The following HDAC9 variants were observed in gnomAD, a reference collection of about 807,000 sequenced individuals.
The protein encoded by HDAC9 is MEF-2 interacting transcription repressor (MITR) protein.
A neutral mutation model predicts 139.4 loss-of-function variants in HDAC9; 41 were observed. The ratio of observed to expected loss-of-function variants is 0.29; its 90% confidence interval spans 0.23 to 0.38. The LOEUF (loss-of-function observed/expected upper bound fraction) is 0.38, where lower values mean the gene tolerates loss of function less well. Ranked by LOEUF, HDAC9 falls within the 10% of genes least tolerant of loss-of-function variation. The pLI, the probability that HDAC9 is intolerant of heterozygous loss-of-function variation, is 1.00. For synonymous variants in HDAC9, 517 were observed against 476.2 expected (o/e 1.09, Z -1.12); for missense variants, 1,147 against 1,297.0 (o/e 0.88, Z 1.78).
chr7:18,739,336 G>A lies in HDAC9; in HGVS notation c.1910-9669G>A, dbSNP rs185987742. ...GGGGCTGAAATGCTTTGCAGGAGAA[G>A]AGGCACTCAGGCTTTTAGAATTTTC... On this transcript the variant is annotated intron_variant, in intron 13 of 25. Transcript: ENST00000686413. 1.0e-3 allele frequency among the ~76,000 whole-genome samples: 158 copies of A among 152,266 alleles called. 2 individuals carry two copies. Among genetic ancestry groups the A allele is most frequent in the South Asian group, 1.5e-3 (7 of 4,826 alleles).
intron 1 of HDAC9, among the ~76,000 whole-genome samples, chr7:18,473,575 C>A (rs1004619834): frequency 4.6e-5 from 7 of 152,184 alleles, no homozygotes; most frequent in African/African-American, 1.7e-4. Flanking sequence ...TTAAGACAAC[C>A]TATGACAATA....
intron 19 of HDAC9, among the ~76,000 whole-genome samples, chr7:18,832,967 C>T (rs1354422201): frequency 6.6e-6 from 1 of 152,038 alleles, no homozygotes; most frequent in Admixed American, 6.5e-5. Context: ...AATTCCCAAC[C>T]TCAGGTGATC....
In HDAC9 at chr7:18,977,616, A is replaced by T. The variant is rs1158769850; in HGVS notation, c.3170+1663A>T. 3.3e-5 allele frequency among the ~76,000 whole-genome samples: 5 copies of T among 152,280 alleles called. No homozygotes were observed. The East Asian group carries it at 9.7e-4, about 29-fold the overall frequency. ...TCTATAGAGATTTAACCTTGGCTTC[A>T]GTCCACAGTGATTTTTATTTTAAGC... On this transcript the variant is annotated intron_variant, in intron 25 of 25. Coordinates refer to ENST00000686413, the MANE Select transcript of HDAC9 (RefSeq NM_178425.4).
At chr7:18,219,330 G>A (rs755797738) in intron 2 of HDAC9, among the ~76,000 whole-genome samples, 5 of 152,084 alleles carry the variant, frequency 3.3e-5, no homozygotes, top group Non-Finnish European at 4.4e-5. Flanking sequence ...TATACAATGG[G>A]AGTGGTTCTG....
intron 2 of HDAC9, among the ~76,000 whole-genome samples, chr7:18,514,084 A>G (rs1802424546): frequency 6.6e-6 from 1 of 152,306 alleles, no homozygotes; most frequent in Middle Eastern, 3.4e-3. Context: ...GTTATGACTT[A>G]TCTAGCTTAG....
chr7:18,091,245 A>G (rs1040636564), intron 1 of HDAC9, among the ~76,000 whole-genome samples: 3 of 152,198 alleles, frequency 2.0e-5, no homozygotes, highest in East Asian at 1.9e-4. Flanking sequence ...CCTGTTTACT[A>G]TGGTGAATTT....
At chr7:18,693,759 T>G (rs1410134579) in intron 12 of HDAC9, among the ~76,000 whole-genome samples, 1 of 152,176 alleles carries the variant, frequency 6.6e-6, no homozygotes, top group Non-Finnish European at 1.5e-5. Flanking sequence ...ATAGTATGTG[T>G]GAAATTAAAG....
At chr7:18,094,939 T>G (rs1414437123) in intron 1 of HDAC9, among the ~76,000 whole-genome samples, 4 of 152,142 alleles carry the variant, frequency 2.6e-5, no homozygotes, top group Non-Finnish European at 5.9e-5. Flanking sequence ...TACATTTCAG[T>G]TTTTCACTTC....
intron 1 of HDAC9, among the ~76,000 whole-genome samples, chr7:18,422,404 G>A (rs1391899078): frequency 6.6e-6 from 1 of 152,156 alleles, no homozygotes; most frequent in African/African-American, 2.4e-5. Context: ...TGTCAGGTGA[G>A]GTAGCCTGGT....
intron 1 of HDAC9, among the ~76,000 whole-genome samples, chr7:18,388,475 T>C (rs147360465): frequency 4.6e-5 from 7 of 152,334 alleles, no homozygotes; most frequent in African/African-American, 1.4e-4. Flanking sequence ...TTCACAGTGC[T>C]TTTTTGAAAT....
At chr7:18,904,935 A>G (rs932096887) in intron 22 of HDAC9, among the ~76,000 whole-genome samples, 3 of 149,578 alleles carry the variant, frequency 2.0e-5, no homozygotes, top group Admixed American at 1.3e-4. Flanking sequence ...GTCTTGGTCT[A>G]TTGCCCAGGC....
At chr7:18,533,921 G>A (rs991890089) in intron 2 of HDAC9, among the ~76,000 whole-genome samples, 4 of 152,026 alleles carry the variant, frequency 2.6e-5, no homozygotes, top group African/African-American at 4.8e-5. Context: ...TAATTTCAAA[G>A]AGTTTAAAAT....
chr7:18,610,472 C>A lies in HDAC9; in HGVS notation c.664+16443C>A, dbSNP rs186894280. Among the ~76,000 whole-genome samples, 445 of 152,278 alleles carry A rather than the reference C, an allele frequency of 2.9e-3. 2 individuals are homozygous for A. Among genetic ancestry groups the A allele is most frequent in the Non-Finnish European group, 5.1e-3 (347 of 68,010 alleles). On this transcript the variant is annotated intron_variant, in intron 6 of 25. Transcript: ENST00000686413. Reference sequence around the variant, plus strand: ...ACGATAGCAAAAACAAACACTCTTTCCCCGGTCATTCTGATAAATTCCCAG... The same window carrying A: ...ACGATAGCAAAAACAAACACTCTTTACCCGGTCATTCTGATAAATTCCCAG...
At chr7:18,105,696 A>G (rs895914922) in intron 1 of HDAC9, among the ~76,000 whole-genome samples, 1 of 151,906 alleles carries the variant, frequency 6.6e-6, no homozygotes, top group Admixed American at 6.6e-5. Context: ...TAGTTCCTCA[A>G]AAAGCTAACC....
At chr7:18,721,634 C>A (rs1404226356) in intron 12 of HDAC9, among the ~76,000 whole-genome samples, 1 of 152,026 alleles carries the variant, frequency 6.6e-6, no homozygotes, top group East Asian at 1.9e-4. Context: ...CCATGAGTAA[C>A]CACCCACAGG....
At chr7:18,614,684 A>G (rs1349445541) in intron 6 of HDAC9, among the ~76,000 whole-genome samples, 5 of 152,144 alleles carry the variant, frequency 3.3e-5, no homozygotes, top group African/African-American at 1.2e-4. Flanking sequence ...TTTTCGACCC[A>G]TCTTAAGTAC....
intron 20 of HDAC9, 41 bp from the exon 21 acceptor site, chr7:18,835,859 C>A: frequency 7.5e-7 from 1 of 1,340,202 alleles, no homozygotes; most frequent in Non-Finnish European, 1.0e-6. Context: ...CTTCCATTTG[C>A]TCTCTTCTCT....
intron 6 of HDAC9, among the ~76,000 whole-genome samples, chr7:18,598,992 A>C (rs1465906340): frequency 6.6e-6 from 1 of 152,206 alleles, no homozygotes. Flanking sequence ...CCTGGGTAAC[A>C]TAGGGAGACC....
At chr7:18,462,166 T>TTCAAATAATGATGTTA (rs1389938833) in intron 1 of HDAC9, among the ~76,000 whole-genome samples, 3 of 152,058 alleles carry the variant, frequency 2.0e-5, no homozygotes, top group African/African-American at 7.2e-5. Flanking sequence ...TGTTTTAACC[T>TTCAAATAATGATGTTA]TCAAATAATG....
Sources: gnomAD v4.1 joint callset for allele counts (sites outside exome capture counted in the v4.1 genomes callset) on GRCh38, gnomAD v4.1.1 for gene constraint, MANE v1.5 for transcripts, NCBI Gene and HGNC (gene_info 2026-07-23, HGNC 2026-07-21) for gene names.